PPP5C: variants seen among roughly 807,000 people sequenced by gnomAD.
PPP5C encodes serine/threonine-protein phosphatase 5.
PPP5C carries 21 observed loss-of-function variants against 66.7 expected under a neutral mutation model. The observed-to-expected ratio is 0.31, with a 90% CI of 0.22 to 0.45. The LOEUF is 0.45. Among genes scored for constraint, PPP5C ranks in the 20% least tolerant of loss-of-function variants. The pLI is 1.00. For synonymous variants in PPP5C, 246 were observed against 257.4 expected (o/e 0.96, Z 0.43); for missense variants, 464 against 675.9 (o/e 0.69, Z 3.48).
chr19:46,384,524 C>T (rs552284611), intron 6 of PPP5C: 491 of 404,286 alleles, frequency 1.2e-3, no homozygotes, highest in African/African-American at 8.9e-3. Flanking sequence ...CTAGTCCCCG[C>T]ACCTCCCCGC....
Position 46,388,399 on chromosome 19 carries a change from C to T in PPP5C, c.1136-9C>T. On this transcript the variant is annotated splice_polypyrimidine_tract_variant and intron_variant, in intron 9 of 12. Transcript: ENST00000012443. The surrounding 1 kb of genome is among the most constrained non-coding windows in gnomAD (Gnocchi z 4.9). ...ACGAGTCCCTAATGTTTCCCTCGCTCCCCACCAGGGCCCATGTGTGACCTG... is the reference window on the plus strand; with the variant it reads ...ACGAGTCCCTAATGTTTCCCTCGCTTCCCACCAGGGCCCATGTGTGACCTG... 6.2e-7 allele frequency: 1 copy of T among 1,608,922 alleles called. No homozygotes were observed. The highest frequency in any genetic ancestry group is 8.5e-7 in the Non-Finnish European group (1 of 1,176,400).
At position 46,384,815 on chromosome 19, in the gene PPP5C, T is replaced by C; in HGVS notation, c.810T>C (p.Gly270=). The C allele has an allele frequency of 1.2e-6, 2 of 1,613,518 alleles. No individual in the cohort carries two copies. The highest frequency in any genetic ancestry group is 2.7e-5 in the African/African-American group (2 of 74,990). ...PSETNPYIFN[G]DFVDRGSFSV... ...CCTCAGCAGGACAGATATTTAATGG[T>C]GACTTTGTGGACCGAGGCTCCTTCT... The change falls in exon 7 of 13, where the codon GGT becomes GGC. Residue 270 remains glycine (G), a synonymous_variant. Coordinates refer to ENST00000012443, the MANE Select transcript of PPP5C (RefSeq NM_006247.4).
chr19:46,388,342 T>G lies in PPP5C; in HGVS notation c.1136-66T>G, dbSNP rs1342003294. 1 of 1,524,704 alleles carries G rather than the reference T, an allele frequency of 6.6e-7. No homozygotes were observed. The highest frequency in any genetic ancestry group is 1.9e-5 in the Admixed American group (1 of 53,476). 94.4% of individuals were successfully genotyped at this position (1,524,704 alleles called of 1,614,324 possible). On this transcript the variant is annotated intron_variant, in intron 9 of 12. Transcript: ENST00000012443. This position sits in a 1 kb window ranked among gnomAD's most constrained non-coding sequence, Gnocchi z 4.9. ...GTCAGCACCTGGCCGGGCCAGGAGG[T>G]GGCCTGTGAGTGACCACCCCCGGGG...
chr19:46,387,924 C>T, intron 9 of PPP5C: 1 of 326,740 alleles, frequency 3.1e-6, no homozygotes, highest in South Asian at 3.3e-5. Context: ...GAGGCATCTG[C>T]CGTGCACAGA....
chr19:46,390,047 G>T lies in PPP5C; in HGVS notation c.1356-4G>T. ...CACTGTCCACTCTGCTCCTGTCCCT[G>T]CAGCGACCAGATGGGGAACAAAGCC... On this transcript the variant is annotated splice_polypyrimidine_tract_variant and splice_region_variant and intron_variant, in intron 11 of 12. Coordinates refer to ENST00000012443, the MANE Select transcript of PPP5C (RefSeq NM_006247.4). 1 of 1,613,938 alleles carries T rather than the reference G, an allele frequency of 6.2e-7. No individual in the cohort carries two copies. The highest frequency in any genetic ancestry group is 1.1e-5 in the South Asian group (1 of 91,078).
At chr19:46,374,180 T>C (rs1972649694) in intron 2 of PPP5C, among the ~76,000 whole-genome samples, 1 of 152,180 alleles carries the variant, frequency 6.6e-6, no homozygotes, top group Non-Finnish European at 1.5e-5. Context: ...GGCCGTGGCC[T>C]GCTGGGCCTG....
chr19:46,358,858 T>G (rs1029005154), intron 2 of PPP5C, among the ~76,000 whole-genome samples: 2 of 152,150 alleles, frequency 1.3e-5, no homozygotes, highest in African/African-American at 2.4e-5. Context: ...GAGGTTGATG[T>G]GTAGCTGTCT....
In PPP5C at chr19:46,347,225, C is replaced by T. The variant is rs762593274; in HGVS notation, c.121+8C>T. 1.9e-6 allele frequency: 3 copies of T among 1,600,356 alleles called. No individual in the cohort carries two copies. Among genetic ancestry groups the T allele is most frequent in the African/African-American group, 1.3e-5 (1 of 74,490 alleles). The stretch of plus-strand genomic sequence containing the variant: ...CCAATGACTACTTCAAAGGTGCGCC[C>T]GCCTGGCAGGGAGGGTGGACAGTGG... On this transcript the variant is annotated splice_region_variant and intron_variant, in intron 1 of 12. Coordinates refer to ENST00000012443, the MANE Select transcript of PPP5C (RefSeq NM_006247.4).
intron 2 of PPP5C, among the ~76,000 whole-genome samples, chr19:46,365,075 T>C (rs1972467702): frequency 6.6e-6 from 1 of 152,316 alleles, no homozygotes; most frequent in South Asian, 2.1e-4. Context: ...CTCCGCCTCC[T>C]GGGTTCAAGC....
rs1024540779 is a variant in PPP5C at position 46,383,625 on chromosome 19, C to A, written c.699+149C>A. On this transcript the variant is annotated intron_variant, in intron 5 of 12. Transcript: ENST00000012443. The surrounding 1 kb of genome is among the most constrained non-coding windows in gnomAD (Gnocchi z 5.0). The stretch of plus-strand genomic sequence containing the variant: ...CTTTCCTCCTGAATATCCCATTTCT[C>A]TCCTGGCCTCTTGGTCTTCGTTTGT... 1.9e-6 allele frequency: 2 copies of A among 1,028,812 alleles called. No homozygotes were observed. Among genetic ancestry groups the A allele is most frequent in the Admixed American group, 2.4e-5 (1 of 41,634 alleles). 63.7% of individuals were successfully genotyped at this position (1,028,812 alleles called of 1,614,324 possible). A position where few individuals can be genotyped will look rare whatever the true frequency, so the allele number is the denominator to read the frequency against.
intron 2 of PPP5C, among the ~76,000 whole-genome samples, chr19:46,367,504 G>A (rs1285127751): frequency 6.6e-6 from 1 of 152,140 alleles, no homozygotes; most frequent in Non-Finnish European, 1.5e-5. Flanking sequence ...TTAACATAGA[G>A]GACGGGGAAT....
intron 4 of PPP5C, among the ~76,000 whole-genome samples, chr19:46,378,042 A>T (rs992649980): frequency 6.6e-6 from 1 of 152,170 alleles, no homozygotes; most frequent in Non-Finnish European, 1.5e-5. Context: ...ATTATTCTCT[A>T]TGCATGCTTG....
chr19:46,362,974 A>C (rs1467228095), intron 2 of PPP5C, among the ~76,000 whole-genome samples: 1 of 150,058 alleles, frequency 6.7e-6, no homozygotes, highest in Non-Finnish European at 1.5e-5. Context: ...TTTTTAGTAG[A>C]GATGGGGTTT....
chr19:46,378,270 G>A (rs1470915096), intron 4 of PPP5C, among the ~76,000 whole-genome samples: 1 of 152,152 alleles, frequency 6.6e-6, no homozygotes, highest in East Asian at 1.9e-4. Flanking sequence ...AGATTATTGA[G>A]AAGGGTATTG....
intron 6 of PPP5C, 135 bp downstream of exon 6, chr19:46,384,013 C>T (rs763137966): frequency 1.1e-4 from 83 of 765,502 alleles, no homozygotes; most frequent in Non-Finnish European, 1.7e-4. Flanking sequence ...TGCTGGGGCA[C>T]CAAGGTGTGG....
chr19:46,365,483 T>C lies in PPP5C; in HGVS notation c.364-10121T>C, dbSNP rs915974203. 2.0e-5 allele frequency among the ~76,000 whole-genome samples: 3 copies of C among 152,336 alleles called. No homozygotes were observed. In the East Asian group the frequency reaches 5.8e-4, roughly 29 times the overall value. On this transcript the variant is annotated intron_variant, in intron 2 of 12. Coordinates refer to ENST00000012443, the MANE Select transcript of PPP5C (RefSeq NM_006247.4). Reference sequence around the variant, plus strand: ...CAGGACAGTATATTGCGTCGAGGTGTGCCGCTTTGTGGGTGTCACTCTTCC... The same window carrying C: ...CAGGACAGTATATTGCGTCGAGGTGCGCCGCTTTGTGGGTGTCACTCTTCC...
intron 1 of PPP5C, among the ~76,000 whole-genome samples, chr19:46,347,645 G>A (rs1972107381): frequency 1.3e-5 from 2 of 151,244 alleles, no homozygotes; most frequent in Admixed American, 6.6e-5. Flanking sequence ...GCAATCGTGG[G>A]GGTGGGGAAT....
rs1568576104 is a variant in PPP5C at position 46,383,373 on chromosome 19, C to T, written c.634-38C>T. 6.3e-7 allele frequency: 1 copy of T among 1,598,812 alleles called. No individual in the cohort carries two copies. ...TTCGGGGCCAGGTTGGGCAGCAGCC[C>T]CTGCAGCCGGTCCCACTGAGTCTGC... On this transcript the variant is annotated intron_variant, in intron 4 of 12. Transcript: ENST00000012443. This position sits in a 1 kb window ranked among gnomAD's most constrained non-coding sequence, Gnocchi z 5.0.
At chr19:46,374,730 GTTTCC>G (rs2147388218) in intron 2 of PPP5C, among the ~76,000 whole-genome samples, 1 of 152,276 alleles carries the variant, frequency 6.6e-6, no homozygotes, top group South Asian at 2.1e-4. Context: ...CCCACGTGGA[GTTTCC>G]TTTCACCTGG....
Sources: gnomAD v4.1 joint callset for allele counts (sites outside exome capture counted in the v4.1 genomes callset) on GRCh38, gnomAD v4.1.1 for gene constraint, Gnocchi (gnomAD v3.1) non-coding constraint, MANE v1.5 for transcripts, NCBI Gene and HGNC (gene_info 2026-07-23, HGNC 2026-07-21) for gene names.